Variants in FRMD4B observed in about 807,000 individuals in gnomAD.
FRMD4B encodes FERM domain containing 4B.
A neutral mutation model predicts 141.5 loss-of-function variants in FRMD4B; 74 were observed. That is an observed-to-expected ratio of 0.52 (90% CI 0.43 to 0.63). The LOEUF (loss-of-function observed/expected upper bound fraction) is 0.63, where lower values mean the gene tolerates loss of function less well. Ranked by LOEUF, FRMD4B falls within the 30% of genes least tolerant of loss-of-function variation. The probability of loss-of-function intolerance (pLI) is 0.00; values close to 1 mark genes in which losing one functional copy is unlikely to be tolerated. For missense variants in FRMD4B, 1,366 were observed against 1,253.4 expected (o/e 1.09, Z -1.36); for synonymous variants, 506 against 467.9 (o/e 1.08, Z -1.05).
At chr3:69,495,027 C>T (rs1047945201) in intron 1 of FRMD4B, among the ~76,000 whole-genome samples, 1 of 151,978 alleles carries the variant, frequency 6.6e-6, no homozygotes, top group Non-Finnish European at 1.5e-5. Flanking sequence ...GGAAAACAAT[C>T]TAGGCACCCA....
At chr3:69,372,391 G>A (rs191833712) in intron 1 of FRMD4B, among the ~76,000 whole-genome samples, 10 of 152,236 alleles carry the variant, frequency 6.6e-5, no homozygotes, top group African/African-American at 1.9e-4. Context: ...GAGGCTGGGT[G>A]TGATGGCTCA....
rs2093198435 is a variant in FRMD4B, at chr3:69,221,899, A to G, written c.690T>C (p.Tyr230=). The part of the protein sequence containing the change: ...AYCEDRVIEH[Y]LKIKGLTRGQ... Reference sequence around the variant, plus strand: ...CTCGAGTGAGACCTTTGATTTTCAAATAATGCTCAATTACCCTGTCCTCAC... The same window carrying G: ...CTCGAGTGAGACCTTTGATTTTCAAGTAATGCTCAATTACCCTGTCCTCAC... Residue 230 remains tyrosine, a synonymous_variant, in exon 9 of 23, where the codon TAT becomes TAC. Transcript: ENST00000398540. The G allele has an allele frequency of 1.3e-6, 2 of 1,558,646 alleles. No individual in the cohort carries two copies. Among genetic ancestry groups the G allele is most frequent in the Non-Finnish European group, 8.8e-7 (1 of 1,135,554 alleles).
At chr3:69,284,990 C>G (rs1700624710) in intron 5 of FRMD4B, among the ~76,000 whole-genome samples, 1 of 151,882 alleles carries the variant, frequency 6.6e-6, no homozygotes, top group Non-Finnish European at 1.5e-5. Flanking sequence ...GGTGAAACAC[C>G]ATCTCTACTA....
chr3:69,189,816 G>A, intron 18 of FRMD4B, 80 bp downstream of exon 18: 1 of 820,242 alleles, frequency 1.2e-6, no homozygotes, highest in Non-Finnish European at 2.0e-6. Context: ...AAACAAATAG[G>A]CCTTACTTAA....
intron 1 of FRMD4B, among the ~76,000 whole-genome samples, chr3:69,480,865 A>T (rs1224867152): frequency 6.6e-6 from 1 of 152,220 alleles, no homozygotes; most frequent in African/African-American, 2.4e-5. Context: ...GGCTCCACCC[A>T]GTTCGAGCTT....
At chr3:69,500,962 C>G (rs1706485641) in intron 1 of FRMD4B, among the ~76,000 whole-genome samples, 1 of 152,120 alleles carries the variant, frequency 6.6e-6, no homozygotes, top group African/African-American at 2.4e-5. Flanking sequence ...CACGCCCCTC[C>G]TACCAAAAAA....
chr3:69,263,817 CTTTTTTTTTTT>C (rs3032130), intron 5 of FRMD4B, among the ~76,000 whole-genome samples: 3 of 68,556 alleles, frequency 4.4e-5, no homozygotes, highest in South Asian at 7.2e-4. Context: ...AACCCCATTC[CTTTTTTTTTTT>C]TTTTTTTTTT....
At chr3:69,446,729 A>T (rs1221354709) in intron 1 of FRMD4B, among the ~76,000 whole-genome samples, 3 of 152,236 alleles carry the variant, frequency 2.0e-5, no homozygotes, top group African/African-American at 2.4e-5. Flanking sequence ...GTTAATTTGC[A>T]GAAGACACAT....
intron 1 of FRMD4B, among the ~76,000 whole-genome samples, chr3:69,383,522 C>G (rs1463760748): frequency 6.6e-6 from 1 of 152,134 alleles, no homozygotes; most frequent in South Asian, 2.1e-4. Context: ...TTCATATAAT[C>G]AAAGCAGGGT....
chr3:69,334,383 C>G (rs1172079123), intron 1 of FRMD4B: 2 of 149,362 alleles, frequency 1.3e-5, no homozygotes, highest in East Asian at 3.9e-4. Context: ...CTATAAATCC[C>G]AGGACTTTGG....
At chr3:69,434,820 G>A (rs1705235947) in intron 1 of FRMD4B, among the ~76,000 whole-genome samples, 1 of 152,146 alleles carries the variant, frequency 6.6e-6, no homozygotes, top group Non-Finnish European at 1.5e-5. Context: ...AGTTTGCTAG[G>A]GCTGCCGTAA....
At chr3:69,534,382 G>A (rs1338109872) in intron 1 of FRMD4B, among the ~76,000 whole-genome samples, 4 of 152,110 alleles carry the variant, frequency 2.6e-5, no homozygotes, top group Non-Finnish European at 5.9e-5. Flanking sequence ...TAGTCAATAA[G>A]GTAAAATGTT....
chr3:69,437,638 T>C (rs891683064), intron 1 of FRMD4B, among the ~76,000 whole-genome samples: 1 of 135,924 alleles, frequency 7.4e-6, no homozygotes, highest in Non-Finnish European at 1.5e-5. Context: ...ATATATACTA[T>C]ATATATACAG....
chr3:69,289,582 A>C (rs1700806828), intron 4 of FRMD4B, among the ~76,000 whole-genome samples: 1 of 152,236 alleles, frequency 6.6e-6, no homozygotes, highest in Non-Finnish European at 1.5e-5. Context: ...GATCACTTGA[A>C]GTCAGGAGTT....
intron 2 of FRMD4B, among the ~76,000 whole-genome samples, chr3:69,412,770 A>G (rs7648236): frequency 0.32 from 48,704 of 151,214 alleles, 7,996 homozygotes; most frequent in African/African-American, 0.35. Context: ...TTGAGTGCTA[A>G]AGCTGGGGCC....
At chr3:69,380,831 GA>G (rs1161274094) in intron 1 of FRMD4B, among the ~76,000 whole-genome samples, 2 of 152,172 alleles carry the variant, frequency 1.3e-5, no homozygotes, top group African/African-American at 4.8e-5. Flanking sequence ...GAGAGGAAGG[GA>G]AAACCTAATC....
At chr3:69,173,218 A>G (rs1338958068) in intron 22 of FRMD4B, among the ~76,000 whole-genome samples, 1 of 152,232 alleles carries the variant, frequency 6.6e-6, no homozygotes, top group Non-Finnish European at 1.5e-5. Context: ...TACAGTTGGC[A>G]GCAGTAGAGC....
At chr3:69,537,876 T>C (rs1008771328) in intron 1 of FRMD4B, among the ~76,000 whole-genome samples, 50 of 152,194 alleles carry the variant, frequency 3.3e-4, no homozygotes, top group Admixed American at 9.8e-4. Flanking sequence ...AGCCTTAATT[T>C]CCCCCTTTTC....
At chr3:69,472,938 C>CT (rs71618285) in intron 1 of FRMD4B, among the ~76,000 whole-genome samples, 45,274 of 108,140 alleles carry the variant, frequency 0.42, 8,952 homozygotes, top group East Asian at 0.47. Flanking sequence ...TTTTTTTTTT[C>CT]TTTTTTTTTT....
Sources: allele counts gnomAD v4.1 joint callset (sites outside exome capture counted in the v4.1 genomes callset), GRCh38; gene constraint gnomAD v4.1.1; transcripts MANE v1.5; gene names NCBI Gene and HGNC (gene_info 2026-07-23, HGNC 2026-07-21).